The following CD160 variants were observed in gnomAD, a reference collection of about 807,000 sequenced individuals.
CD160 encodes the protein CD160 molecule, also known as CD160 antigen.
In CD160, 11 loss-of-function variants were observed where a neutral mutation model predicts 19.2. The ratio of observed to expected loss-of-function variants is 0.57; its 90% CI spans 0.36 to 0.95. CD160 has a LOEUF of 0.95. Ranked by LOEUF, CD160 falls within the 40% of genes least tolerant of loss-of-function variation. The pLI is 0.01. For missense variants in CD160, 182 were observed against 213.2 expected (o/e 0.85, Z 0.91); for synonymous variants, 75 against 81.1 (o/e 0.93, Z 0.40).
chr1:145,734,279 AG>A (rs1230169277), intron 4 of CD160, among the ~76,000 whole-genome samples: 1 of 152,152 alleles, frequency 6.6e-6, no homozygotes, highest in East Asian at 1.9e-4. Flanking sequence ...CACCTACCAC[AG>A]GGCCTAGCAC....
At chr1:145,728,188 G>T in intron 2 of CD160, 68 bp from the exon 3 acceptor site, 1 of 645,388 alleles carries the variant, frequency 1.5e-6, no homozygotes, top group African/African-American at 1.8e-5. Flanking sequence ...CAAAGCTAGA[G>T]CCTGGGATGG....
chr1:145,731,771 GACA>G (rs781811862), intron 4 of CD160, among the ~76,000 whole-genome samples: 2 of 152,168 alleles, frequency 1.3e-5, no homozygotes, highest in East Asian at 1.9e-4. Flanking sequence ...AATTCAGGCA[GACA>G]ACGAGATTAG....
chr1:145,727,360 T>C (rs1657091532), intron 2 of CD160, among the ~76,000 whole-genome samples: 1 of 152,032 alleles, frequency 6.6e-6, no homozygotes, highest in Admixed American at 6.5e-5. Flanking sequence ...TCCCTATTGA[T>C]GAAATTCAAG....
At chr1:145,723,610 G>A (rs954750429) in intron 1 of CD160, among the ~76,000 whole-genome samples, 9 of 152,110 alleles carry the variant, frequency 5.9e-5, no homozygotes, top group African/African-American at 2.2e-4. Flanking sequence ...AGGCGACAAA[G>A]TTTTGCTCTG....
At chr1:145,730,397 C>T (rs587647812) in intron 3 of CD160, among the ~76,000 whole-genome samples, 4 of 152,264 alleles carry the variant, frequency 2.6e-5, no homozygotes, top group East Asian at 3.9e-4. Flanking sequence ...GTAGGGCTCA[C>T]GTCCTAGTCC....
At chr1:145,734,363 A>T (rs1488198639) in intron 4 of CD160, among the ~76,000 whole-genome samples, 3 of 152,152 alleles carry the variant, frequency 2.0e-5, no homozygotes, top group African/African-American at 7.2e-5. Flanking sequence ...TACTACCACC[A>T]GCTTGTCTTT....
chr1:145,721,015 C>A, intron 1 of CD160, among the ~76,000 whole-genome samples: 1 of 152,202 alleles, frequency 6.6e-6, no homozygotes, highest in Non-Finnish European at 1.5e-5. Context: ...TCCACGGGCA[C>A]CCTCCCCCCT....
At chr1:145,721,754 A>C (rs1376396036) in intron 1 of CD160, among the ~76,000 whole-genome samples, 3 of 151,738 alleles carry the variant, frequency 2.0e-5, no homozygotes, top group African/African-American at 7.3e-5. Flanking sequence ...TAATTCACCC[A>C]CCGTATTCTT....
chr1:145,731,319 C>T (rs1050388797), intron 4 of CD160, among the ~76,000 whole-genome samples: 1 of 152,132 alleles, frequency 6.6e-6, no homozygotes, highest in Non-Finnish European at 1.5e-5. Context: ...GATGGTGACA[C>T]AGGGGTTGAA....
intron 1 of CD160, among the ~76,000 whole-genome samples, chr1:145,722,716 C>G (rs1033872178): frequency 1.3e-5 from 2 of 152,156 alleles, no homozygotes; most frequent in Non-Finnish European, 2.9e-5. Flanking sequence ...CTCAGCCTCC[C>G]GAGTAGCTGG....
At chr1:145,732,334 A>G (rs1461285244) in intron 4 of CD160, among the ~76,000 whole-genome samples, 2 of 152,210 alleles carry the variant, frequency 1.3e-5, no homozygotes, top group Admixed American at 1.3e-4. Flanking sequence ...CAGTAAAACA[A>G]GAAAGTGAAT....
At position 145,733,385 on chromosome 1, in the gene CD160, C is replaced by T. The variant is rs587672406; in HGVS notation, c.400+2315C>T. ...AACTCCTGACCTCAGGTGATCTATCCGCCTCAGCCTAGCCAAAGTGCTGGG... is the reference window on the plus strand; with the variant it reads ...AACTCCTGACCTCAGGTGATCTATCTGCCTCAGCCTAGCCAAAGTGCTGGG... On this transcript the variant is annotated intron_variant, in intron 4 of 5. Coordinates refer to ENST00000369288, the MANE Select transcript of CD160 (RefSeq NM_007053.4). Among the ~76,000 whole-genome samples, 21 of 152,212 alleles carry T rather than the reference C, an allele frequency of 1.4e-4. No homozygotes were observed. In the East Asian group the frequency reaches 2.3e-3, roughly 17 times the overall value.
intron 2 of CD160, among the ~76,000 whole-genome samples, chr1:145,728,029 A>AT (rs1657120321): frequency 6.6e-6 from 1 of 151,856 alleles, no homozygotes; most frequent in African/African-American, 2.4e-5. Context: ...AACTTAAAAA[A>AT]ATATATATGA....
chr1:145,729,474 G>A (rs1312140020), intron 3 of CD160, among the ~76,000 whole-genome samples: 1 of 151,930 alleles, frequency 6.6e-6, no homozygotes, highest in Admixed American at 6.6e-5. Context: ...ATCACAGTAG[G>A]AGTAAAGCTA....
At chr1:145,720,233 T>C (rs1405929523) in intron 1 of CD160, among the ~76,000 whole-genome samples, 1 of 152,260 alleles carries the variant, frequency 6.6e-6, no homozygotes, top group African/African-American at 2.4e-5. Context: ...AAGAAGCATG[T>C]GTACTGCTCT....
chr1:145,735,277 T>C (rs782570654), intron 4 of CD160, among the ~76,000 whole-genome samples: 10 of 152,038 alleles, frequency 6.6e-5, no homozygotes, highest in Non-Finnish European at 1.0e-4. Context: ...CATCCAACAG[T>C]AAATGATGGA....
At chr1:145,719,791 A>G (rs1656756605) in intron 1 of CD160, among the ~76,000 whole-genome samples, 1 of 152,200 alleles carries the variant, frequency 6.6e-6, no homozygotes, top group Admixed American at 6.5e-5. Flanking sequence ...GACATTCCTC[A>G]AATGGAGGAA....
At chr1:145,731,560 C>T (rs1280747773) in intron 4 of CD160, among the ~76,000 whole-genome samples, 1 of 152,162 alleles carries the variant, frequency 6.6e-6, no homozygotes. Flanking sequence ...ATCCCAGCTA[C>T]TCAGGAGGCT....
chr1:145,738,831 C>A lies in CD160; in HGVS notation c.*338C>A. 5.2e-6 allele frequency: 1 copy of A among 192,984 alleles called. No homozygotes were observed. The highest frequency in any genetic ancestry group is 1.1e-5 in the Non-Finnish European group (1 of 95,028). 12.0% of individuals were successfully genotyped at this position (192,984 alleles called of 1,614,324 possible). On this transcript the variant is annotated 3_prime_UTR_variant, in exon 6 of 6. Coordinates refer to ENST00000369288, the MANE Select transcript of CD160 (RefSeq NM_007053.4). ...AAAACTTTTCCTCCCTCTTCATCAA[C>A]ATAGTAAAATAAGTCAAACAAAATG... is the stretch of plus-strand genomic sequence containing the variant.
Sources: allele counts gnomAD v4.1 joint callset (sites outside exome capture counted in the v4.1 genomes callset), GRCh38; gene constraint gnomAD v4.1.1; transcripts MANE v1.5; gene names NCBI Gene and HGNC (gene_info 2026-07-23, HGNC 2026-07-21).